Variants in SLC9B1 observed in about 807,000 individuals in gnomAD.
SLC9B1 encodes solute carrier family 9 member B1, also known as sodium/hydrogen exchanger 9B1.
A neutral mutation model predicts 51.7 loss-of-function variants in SLC9B1; 32 were observed. The ratio of observed to expected loss-of-function variants is 0.62; its 90% CI spans 0.47 to 0.83. SLC9B1 has a LOEUF of 0.83. Ranked by LOEUF, SLC9B1 falls within the 40% of genes least tolerant of loss-of-function variation. The pLI, the probability that SLC9B1 is intolerant of heterozygous loss-of-function variation, is 0.00. For synonymous variants in SLC9B1, 145 were observed against 212.7 expected, an observed-to-expected ratio of 0.68 and a Z score of 2.77; for missense variants, 406 against 613.2, an observed-to-expected ratio of 0.66 and a Z score of 3.57.
At chr4:102,991,583 T>C (rs1739940016) in intron 2 of SLC9B1, 60 bp downstream of exon 2, 5 of 1,163,340 alleles carry the variant, frequency 4.3e-6, no homozygotes, top group Non-Finnish European at 5.9e-6. Context: ...AAATTAGGAA[T>C]AAATTTTAAG....
chr4:102,971,887 A>C (rs1267430613), intron 3 of SLC9B1, among the ~76,000 whole-genome samples: 1 of 152,236 alleles, frequency 6.6e-6, no homozygotes, highest in Non-Finnish European at 1.5e-5. Context: ...TAGAAAATCT[A>C]GAAGAAATGG....
At chr4:102,963,410 C>A (rs930959160) in intron 3 of SLC9B1, 1 of 200,282 alleles carries the variant, frequency 5.0e-6, no homozygotes, top group African/African-American at 2.3e-5. Context: ...ACTACCATTT[C>A]TAAATGACAT....
intron 9 of SLC9B1, among the ~76,000 whole-genome samples, chr4:102,909,296 C>CAAAA (rs35570979): frequency 6.9e-6 from 1 of 144,524 alleles, no homozygotes. Flanking sequence ...GACTCTGTCT[C>CAAAA]AAAAAAAAAA....
chr4:102,950,669 T>C (rs1718990935), intron 3 of SLC9B1, among the ~76,000 whole-genome samples: 1 of 152,150 alleles, frequency 6.6e-6, no homozygotes. Context: ...CCTGCAAAAC[T>C]GGAAGCCTTG....
Position 102,949,256 on chromosome 4 carries a change from C to T in SLC9B1, c.382+1G>A, listed in dbSNP as rs749342073. ...GAAAAGAGAGCTAATTATATACTTACCAAGAAGAGGTGGAAGTGGAGGCAC... is the reference window on the plus strand; with the variant it reads ...GAAAAGAGAGCTAATTATATACTTATCAAGAAGAGGTGGAAGTGGAGGCAC... On this transcript the variant is annotated splice_donor_variant, in intron 4 of 11. Transcript: ENST00000296422. LOFTEE classifies it high-confidence loss of function. 5.1e-6 allele frequency: 8 copies of T among 1,569,508 alleles called. No individual in the cohort carries two copies. The highest frequency in any genetic ancestry group is 6.9e-6 in the Non-Finnish European group (8 of 1,161,136).
At chr4:102,937,480 A>G (rs1736779334) in intron 6 of SLC9B1, among the ~76,000 whole-genome samples, 1 of 145,992 alleles carries the variant, frequency 6.8e-6, no homozygotes, top group Non-Finnish European at 1.5e-5. Context: ...TAATCCCAGC[A>G]CTTTGGGAGG....
At chr4:102,901,602 T>G (rs1412844398) in intron 11 of SLC9B1, among the ~76,000 whole-genome samples, 1 of 152,220 alleles carries the variant, frequency 6.6e-6, no homozygotes, top group Admixed American at 6.5e-5. Context: ...TTCGAATATC[T>G]CTTTTGAGTG....
intron 3 of SLC9B1, among the ~76,000 whole-genome samples, chr4:102,976,145 A>G (rs1374121893): frequency 2.0e-5 from 3 of 152,236 alleles, no homozygotes; most frequent in African/African-American, 7.2e-5. Context: ...AAAGCTGGAA[A>G]GATCTTGAAT....
chr4:102,986,766 C>T (rs1560521157), intron 3 of SLC9B1, among the ~76,000 whole-genome samples: 1 of 152,210 alleles, frequency 6.6e-6, no homozygotes, highest in East Asian at 1.9e-4. Context: ...ACTAATAAGC[C>T]CATCAAAGGC....
At chr4:103,007,064 C>T (rs578093697) in intron 1 of SLC9B1, among the ~76,000 whole-genome samples, 3 of 152,288 alleles carry the variant, frequency 2.0e-5, no homozygotes, top group South Asian at 4.1e-4. Context: ...AAAACCAGAG[C>T]AAGTCGAGGA....
At position 103,019,700 on chromosome 4, in the gene SLC9B1, GA is replaced by G; in HGVS notation, c.-104del. On this transcript the variant is annotated 5_prime_UTR_variant, in exon 1 of 12. Coordinates refer to ENST00000296422, the MANE Select transcript of SLC9B1 (RefSeq NM_139173.4). ...ACCCAGGTGGGCAGGGTGGTGACGC[GA>G]AAGCCCGGATAGACTTCCGCGCAGG... 1 of 985,512 alleles carries G rather than the reference GA, an allele frequency of 1.0e-6. No individual in the cohort carries two copies. Among genetic ancestry groups the G allele is most frequent in the Non-Finnish European group, 1.2e-6 (1 of 829,970 alleles). The allele number at this position is 985,512 out of a possible 1,614,324, so 61.0% of individuals were successfully genotyped here. A position where few individuals can be genotyped will look rare whatever the true frequency, so the allele number is the denominator to read the frequency against.
intron 1 of SLC9B1, among the ~76,000 whole-genome samples, chr4:102,999,477 A>T (rs1195143837): frequency 6.6e-6 from 1 of 152,088 alleles, no homozygotes; most frequent in African/African-American, 2.4e-5. Context: ...AAAAATCTGG[A>T]TCCCTTTTGA....
chr4:102,976,719 G>A (rs1395395912), intron 3 of SLC9B1, among the ~76,000 whole-genome samples: 2 of 152,222 alleles, frequency 1.3e-5, no homozygotes, highest in Non-Finnish European at 2.9e-5. Flanking sequence ...GTGAAGTCAA[G>A]AGCACATTGA....
At position 102,914,255 on chromosome 4, in the gene SLC9B1, C is replaced by A. The variant is rs568563147; in HGVS notation, c.830-2718G>T. Among the ~76,000 whole-genome samples, 7 of 113,778 alleles carry A rather than the reference C, an allele frequency of 6.2e-5. No individual in the cohort carries two copies. The East Asian group carries it at 1.8e-3, about 29-fold the overall frequency. The allele number at this position is 113,778 out of a possible 152,430, so 74.6% of individuals were successfully genotyped here. On this transcript the variant is annotated intron_variant, in intron 7 of 11. Coordinates refer to ENST00000296422, the MANE Select transcript of SLC9B1 (RefSeq NM_139173.4). ...GATGAATCAGCCAGTGCAGGGTCTG[C>A]AAAATATCTCAAGCAATGATTTTAG...
At chr4:102,919,897 G>A (rs866398642) in intron 7 of SLC9B1, among the ~76,000 whole-genome samples, 6 of 152,222 alleles carry the variant, frequency 3.9e-5, no homozygotes, top group East Asian at 1.9e-4. Context: ...TAAACAAAGC[G>A]GCTGGGAAGC....
intron 1 of SLC9B1, among the ~76,000 whole-genome samples, chr4:103,019,146 G>A (rs1371385270): frequency 1.3e-5 from 2 of 152,090 alleles, no homozygotes; most frequent in Non-Finnish European, 2.9e-5. Flanking sequence ...AGGATTAAGG[G>A]GCGTGGATGT....
intron 1 of SLC9B1, among the ~76,000 whole-genome samples, chr4:102,993,250 C>T (rs942574577): frequency 6.6e-5 from 10 of 152,120 alleles, no homozygotes; most frequent in South Asian, 2.1e-4. Context: ...CCTATAAAAT[C>T]GAAAGGAAGT....
At chr4:102,958,051 T>C (rs1375462090) in intron 3 of SLC9B1, among the ~76,000 whole-genome samples, 4 of 152,190 alleles carry the variant, frequency 2.6e-5, no homozygotes, top group Non-Finnish European at 5.9e-5. Flanking sequence ...AGTTTGAGAC[T>C]AGCCTAAGTA....
chr4:102,940,651 G>A (rs569266910), intron 6 of SLC9B1, among the ~76,000 whole-genome samples: 1 of 152,148 alleles, frequency 6.6e-6, no homozygotes, highest in African/African-American at 2.4e-5. Flanking sequence ...AAACAGCATG[G>A]TTATGCTCAG....
Sources: gnomAD v4.1 joint callset for allele counts (sites outside exome capture counted in the v4.1 genomes callset) on GRCh38, gnomAD v4.1.1 for gene constraint, MANE v1.5 for transcripts, NCBI Gene and HGNC (gene_info 2026-07-23, HGNC 2026-07-21) for gene names.